Variants in GPRC5C observed in about 807,000 individuals in gnomAD.
GPRC5C encodes G protein-coupled receptor family C group 5 member C.
Under a neutral mutation model 31.4 loss-of-function variants are expected in GPRC5C, and 22 were observed. The observed-to-expected ratio is 0.70, with a 90% confidence interval of 0.50 to 1.00. GPRC5C has a LOEUF of 1.00. Ranked by LOEUF, GPRC5C falls within the 50% of genes least tolerant of loss-of-function variation. GPRC5C has a pLI of 0.00. For missense variants in GPRC5C, 557 were observed against 597.2 expected (o/e 0.93, Z 0.70); for synonymous variants, 249 against 257.5 (o/e 0.97, Z 0.32).
intron 1 of GPRC5C, among the ~76,000 whole-genome samples, chr17:74,435,127 G>A (rs1294980930): frequency 6.6e-6 from 1 of 152,146 alleles, no homozygotes; most frequent in Non-Finnish European, 1.5e-5. Flanking sequence ...GCTGAGGCAG[G>A]AGAATGGCAT....
In GPRC5C at chr17:74,443,807, T is replaced by G; in HGVS notation, c.1052-11T>G. The stretch of plus-strand genomic sequence containing the variant: ...CTGGGATCTTCAAACTGTTCCTGCT[T>G]TTCCTTGTAGCTAAGAGGCCGGTGT... On this transcript the variant is annotated splice_polypyrimidine_tract_variant and intron_variant, in intron 2 of 3. Transcript: ENST00000392627. 3 of 1,597,724 alleles carry G rather than the reference T, an allele frequency of 1.9e-6. 1 individual carries two copies. The South Asian group carries it at 3.3e-5, about 18-fold the overall frequency.
chr17:74,449,170 G>A (rs1000063068), downstream of GPRC5C, among the ~76,000 whole-genome samples: 11 of 152,134 alleles, frequency 7.2e-5, no homozygotes, highest in African/African-American at 2.7e-4. Context: ...GAAGGGGAGA[G>A]AAAGTTTGCT....
In GPRC5C at chr17:74,432,266, C is replaced by T; in HGVS notation, c.-33+125C>T. 6.0e-6 allele frequency: 9 copies of T among 1,496,330 alleles called. No individual in the cohort carries two copies. In the South Asian group the frequency reaches 1.2e-4, roughly 20 times the overall value. The allele number at this position is 1,496,330 out of a possible 1,614,324, so 92.7% of individuals were successfully genotyped here. ...GGTGATGTAACGGTGATGCAGGCTC[C>T]AGCCCACCCTCGCCGAAAGCAAGGA... On this transcript the variant is annotated intron_variant, in intron 1 of 3. Coordinates refer to ENST00000392627, the MANE Select transcript of GPRC5C (RefSeq NM_022036.4).
chr17:74,434,189 G>GA (rs1207663636), intron 1 of GPRC5C, among the ~76,000 whole-genome samples: 1 of 152,210 alleles, frequency 6.6e-6, no homozygotes, highest in Non-Finnish European at 1.5e-5. Context: ...CTTTTGTCCA[G>GA]AAAATAATCT....
chr17:74,434,665 G>A (rs1260496805), intron 1 of GPRC5C, among the ~76,000 whole-genome samples: 2 of 152,228 alleles, frequency 1.3e-5, no homozygotes, highest in African/African-American at 2.4e-5. Context: ...GCTCACACTT[G>A]TAATCCCAGC....
intron 1 of GPRC5C, among the ~76,000 whole-genome samples, chr17:74,437,512 A>G (rs1296958075): frequency 6.6e-6 from 1 of 152,164 alleles, no homozygotes; most frequent in African/African-American, 2.4e-5. Context: ...TGGCATGGAG[A>G]CTATTTGAAG....
At chr17:74,447,663 G>A (rs571167214), downstream of GPRC5C, among the ~76,000 whole-genome samples, 62 of 152,346 alleles carry the variant, frequency 4.1e-4, no homozygotes, top group African/African-American at 1.0e-3. Context: ...CAGGCTCAGT[G>A]CGTGCCTAGG....
At chr17:74,434,234 G>A (rs2055399629) in intron 1 of GPRC5C, among the ~76,000 whole-genome samples, 1 of 152,204 alleles carries the variant, frequency 6.6e-6, no homozygotes, top group African/African-American at 2.4e-5. Flanking sequence ...TGGGGTGGGG[G>A]AGACTCAGGG....
intron 1 of GPRC5C, among the ~76,000 whole-genome samples, chr17:74,436,445 C>G (rs986470277): frequency 6.6e-6 from 1 of 152,156 alleles, no homozygotes; most frequent in Non-Finnish European, 1.5e-5. Flanking sequence ...CTGCCTGTTT[C>G]TCTTCTGTGT....
At position 74,439,746 on chromosome 17, in the gene GPRC5C, G is replaced by A. The variant is rs778023741; in HGVS notation, c.-31G>A. 41 of 1,603,094 alleles carry A rather than the reference G, an allele frequency of 2.6e-5. No homozygotes were observed. The highest frequency in any genetic ancestry group is 6.7e-5 in the African/African-American group (5 of 74,540). On this transcript the variant is annotated splice_region_variant and 5_prime_UTR_variant, in exon 2 of 4. Coordinates refer to ENST00000392627, the MANE Select transcript of GPRC5C (RefSeq NM_022036.4). ...TGTCCCTTTTCCTTCTGTCTCTAGG[G>A]ACCCAACCAGAGCCTGGCCTGGGAG...
At position 74,434,919 on chromosome 17, in the gene GPRC5C, G is replaced by A. The variant is rs1459188914; in HGVS notation, c.-33+2778G>A. 1.3e-4 allele frequency among the ~76,000 whole-genome samples: 19 copies of A among 147,636 alleles called. No homozygotes were observed. In the East Asian group the frequency reaches 2.9e-3, roughly 22 times the overall value. On this transcript the variant is annotated intron_variant, in intron 1 of 3. Coordinates refer to ENST00000392627, the MANE Select transcript of GPRC5C (RefSeq NM_022036.4). ...GTCTGGGCAACAAGAGTGAAGCTTC[G>A]TCTCAAGAAAAAAAAAAAGGCTGGG...
chr17:74,448,145 CA>C (rs1033858819), downstream of GPRC5C, among the ~76,000 whole-genome samples: 17 of 149,866 alleles, frequency 1.1e-4, no homozygotes, highest in African/African-American at 4.2e-4. Context: ...CTTGTTTCTA[CA>C]AAAAAAAAAT....
At chr17:74,432,557 G>C (rs1598424695) in intron 1 of GPRC5C, 1 of 987,088 alleles carries the variant, frequency 1.0e-6, no homozygotes, top group Non-Finnish European at 1.2e-6. Flanking sequence ...CCGCCGCCCG[G>C]AAGAGTCGGG....
chr17:74,443,859 CT>C lies in GPRC5C; in HGVS notation c.1094del (p.Leu365ArgfsTer2). 9 of 1,613,706 alleles carry C rather than the reference CT, an allele frequency of 5.6e-6. No individual in the cohort carries two copies. Among genetic ancestry groups the C allele is most frequent in the Non-Finnish European group, 7.6e-6 (9 of 1,179,662 alleles). ...VSPYSGYNGQLLTSVYQPTEM... is the reference protein window; with the variant it reads ...VSPYSGYNGQXLTSVYQPTEM... ...ACCATACAGCGGGTACAATGGGCAGCTGCTGACCAGTGTGTACCAGCCCACT... is the reference window on the plus strand; with the variant it reads ...ACCATACAGCGGGTACAATGGGCAGCGCTGACCAGTGTGTACCAGCCCACT... On this transcript the variant is annotated frameshift_variant, in exon 3 of 4. Transcript: ENST00000392627. LOFTEE classifies it high-confidence loss of function.
At chr17:74,438,069 C>T (rs1420601443) in intron 1 of GPRC5C, among the ~76,000 whole-genome samples, 1 of 150,886 alleles carries the variant, frequency 6.6e-6, no homozygotes, top group Non-Finnish European at 1.5e-5. Flanking sequence ...CAGTCTCGCT[C>T]TGTTGCCCAG....
intron 1 of GPRC5C, among the ~76,000 whole-genome samples, chr17:74,434,628 A>T (rs1421780607): frequency 6.6e-6 from 1 of 152,218 alleles, no homozygotes; most frequent in Non-Finnish European, 1.5e-5. Flanking sequence ...CACCATCTTA[A>T]AAGGTGGCAT....
At chr17:74,438,221 A>C (rs1490968405) in intron 1 of GPRC5C, among the ~76,000 whole-genome samples, 1 of 106,580 alleles carries the variant, frequency 9.4e-6, no homozygotes, top group African/African-American at 5.6e-5. Context: ...ATATATATAT[A>C]TATATATATA....
rs2055518285 is a variant in GPRC5C at position 74,440,597 on chromosome 17, C to T, written c.821C>T (p.Thr274Ile). The change falls in exon 2 of 4, where the codon ACC becomes ATC. Residue 274 changes from threonine (T) to isoleucine (I), a missense_variant. By Grantham distance (89) the Thr-to-Ile change is moderately conservative. Transcript: ENST00000392627. The surrounding 1 kb of genome is among the most constrained non-coding windows in gnomAD (Gnocchi z 4.4). ...GGCAACAAGCAGCACAACAGTCCCA[C>T]CTGGGATGACCCCACGCTGGCCATC... ...TYGNKQHNSP[T>I]WDDPTLAIAL... The T allele has an allele frequency of 6.2e-7, 1 of 1,612,796 alleles. No individual in the cohort carries two copies. Among genetic ancestry groups the T allele is most frequent in the Non-Finnish European group, 8.5e-7 (1 of 1,178,940 alleles).
At chr17:74,437,941 TG>T (rs2055458470) in intron 1 of GPRC5C, among the ~76,000 whole-genome samples, 1 of 152,066 alleles carries the variant, frequency 6.6e-6, no homozygotes, top group Non-Finnish European at 1.5e-5. Flanking sequence ...TTTGAACACG[TG>T]GGGTGACTTA....
Sources: gnomAD v4.1 joint callset for allele counts (sites outside exome capture counted in the v4.1 genomes callset) on GRCh38, gnomAD v4.1.1 for gene constraint, Gnocchi (gnomAD v3.1) non-coding constraint, MANE v1.5 for transcripts, NCBI Gene and HGNC (gene_info 2026-07-23, HGNC 2026-07-21) for gene names.